The following CHTOP variants were observed in gnomAD, a reference collection of about 807,000 sequenced individuals.
CHTOP encodes chromatin target of PRMT1 protein.
Under a neutral mutation model 33.6 loss-of-function variants are expected in CHTOP, and 18 were observed. The ratio of observed to expected loss-of-function variants is 0.54; its 90% confidence interval spans 0.37 to 0.80. The LOEUF is 0.80. Ranked by LOEUF, CHTOP falls within the 30% of genes least tolerant of loss-of-function variation. CHTOP has a pLI of 0.00. For synonymous variants in CHTOP, 117 were observed against 127.7 expected, an observed-to-expected ratio of 0.92 and a Z score of 0.56; for missense variants, 263 against 336.8, an observed-to-expected ratio of 0.78 and a Z score of 1.71.
chr1:153,636,790 A>C (rs778595314), intron 2 of CHTOP, 137 bp downstream of exon 2: 370 of 675,168 alleles, frequency 5.5e-4, no homozygotes, highest in East Asian at 8.1e-4. Context: ...GTTGCATCTC[A>C]TGTGGTACAC....
chr1:153,645,099 GGAGGCC>G lies in CHTOP; in HGVS notation c.591_596del (p.Arg203_Gly204del), dbSNP rs576056136. On this transcript the variant is annotated inframe_deletion, in exon 6 of 6. Coordinates refer to ENST00000368694, the MANE Select transcript of CHTOP (RefSeq NM_015607.4). ...GATAGGTCGGGGAAGAGGGGGCTTT[GGAGGCC>G]GAGGCCGAGGCCGTGGACGAGGGAG... is the stretch of plus-strand genomic sequence containing the variant. 50 of 1,613,378 alleles carry G rather than the reference GGAGGCC, an allele frequency of 3.1e-5. No homozygotes were observed. Among genetic ancestry groups the G allele is most frequent in the African/African-American group, 1.2e-4 (9 of 74,836 alleles).
chr1:153,641,218 G>A (rs536264114), intron 3 of CHTOP, among the ~76,000 whole-genome samples: 7 of 152,330 alleles, frequency 4.6e-5, no homozygotes, highest in South Asian at 4.1e-4. Context: ...ACACATACAC[G>A]TTGGTAGTCA....
rs764039585 is a variant in CHTOP at position 153,645,124 on chromosome 1, G to T, written c.602G>T (p.Arg201Leu). The T allele has an allele frequency of 6.2e-7, 1 of 1,614,036 alleles. No individual in the cohort carries two copies. The highest frequency in any genetic ancestry group is 8.5e-7 in the Non-Finnish European group (1 of 1,180,026). ...GGAGGCCGAGGCCGAGGCCGTGGAC[G>T]AGGGAGAGGTGCCCTTGCTCGCCCT... ...GFGGRGRGRG[R>L]GRGALARPVL... Residue 201 changes from arginine to leucine, a missense_variant, in exon 6 of 6, where the codon CGA becomes CTA. This residue lies in a region of CHTOP where 168 missense variants were observed against 179.9 expected (regional missense o/e 0.93). Coordinates refer to ENST00000368694, the MANE Select transcript of CHTOP (RefSeq NM_015607.4).
rs746444846 is a variant in CHTOP at position 153,643,349 on chromosome 1, G to A, written c.526G>A (p.Gly176Arg). The A allele has an allele frequency of 1.0e-5, 16 of 1,576,798 alleles. No homozygotes were observed. The highest frequency in any genetic ancestry group is 3.8e-5 in the Admixed American group (2 of 52,986). The stretch of plus-strand genomic sequence containing the variant: ...AGGGCGTGGAGCTATGGGTCGTGGC[G>A]GAATCGGTGGTAGAGGTTAGTCAGC... The part of the protein sequence containing the change: ...GLGRGAMGRG[G>R]IGGRGRGMIG... The change falls in exon 5 of 6, where the codon GGA becomes AGA. Residue 176 changes from glycine to arginine, a missense_variant. Coordinates refer to ENST00000368694, the MANE Select transcript of CHTOP (RefSeq NM_015607.4).
intron 4 of CHTOP, chr1:153,642,810 AAG>A: frequency 4.6e-6 from 1 of 219,240 alleles, no homozygotes; most frequent in African/African-American, 2.3e-5. Context: ...CAGCTGGAAA[AAG>A]AGGACAAGTT....
chr1:153,640,109 G>A (rs1334046685), intron 3 of CHTOP, among the ~76,000 whole-genome samples: 1 of 152,174 alleles, frequency 6.6e-6, no homozygotes, highest in Non-Finnish European at 1.5e-5. Context: ...TTCTGTATTT[G>A]CTCTCCGGTA....
intron 4 of CHTOP, 106 bp downstream of exon 4, chr1:153,642,535 TA>T: frequency 1.2e-6 from 1 of 840,992 alleles, no homozygotes. Flanking sequence ...GAATTTGTAT[TA>T]ATATAATAAC....
Position 153,638,593 on chromosome 1 carries a change from A to C in CHTOP, c.219+145A>C, listed in dbSNP as rs1379187359. ...CTCTGGAAGAAAGAGAAGTTCAGAGAATTCCAATTTTGGCAGGTACCAATA... is the reference window on the plus strand; with the variant it reads ...CTCTGGAAGAAAGAGAAGTTCAGAGCATTCCAATTTTGGCAGGTACCAATA... On this transcript the variant is annotated intron_variant, in intron 3 of 5. Transcript: ENST00000368694. 9 of 947,858 alleles carry C rather than the reference A, an allele frequency of 9.5e-6. No homozygotes were observed. In the African/African-American group the frequency reaches 1.3e-4, roughly 14 times the overall value. 58.7% of individuals were successfully genotyped at this position (947,858 alleles called of 1,614,324 possible). A position where few individuals can be genotyped will look rare whatever the true frequency, so the allele number is the denominator to read the frequency against.
rs1668795971 is a variant in CHTOP, at chr1:153,645,627, AT to A, written c.*361del. ...TTGTCATATGCTCTGACATGCTAAC[AT>A]TTCTTTTGTTCATCCCTGTTGCCCC... On this transcript the variant is annotated 3_prime_UTR_variant, in exon 6 of 6. Transcript: ENST00000368694. 8.6e-6 allele frequency: 2 copies of A among 232,018 alleles called. No individual in the cohort carries two copies. 14.4% of individuals were successfully genotyped at this position (232,018 alleles called of 1,614,324 possible).
chr1:153,645,281 C>G lies in CHTOP; in HGVS notation c.*12C>G. On this transcript the variant is annotated 3_prime_UTR_variant, in exon 6 of 6. Transcript: ENST00000368694. ...AAACCAATGATTGAAGCCTGCCCAT[C>G]CTCCCATGAGAGACTCTTGTTAGTC... is the stretch of plus-strand genomic sequence containing the variant. The G allele has an allele frequency of 6.2e-7, 1 of 1,613,462 alleles. No individual in the cohort carries two copies. The highest frequency in any genetic ancestry group is 8.5e-7 in the Non-Finnish European group (1 of 1,179,544).
intron 1 of CHTOP, 37 bp from the exon 2 acceptor site, chr1:153,636,535 A>G: frequency 6.5e-7 from 1 of 1,544,514 alleles, no homozygotes. Context: ...TGATGTCACT[A>G]TTGTGATTTG....
At position 153,646,137 on chromosome 1, in the gene CHTOP, A is replaced by G. The variant is rs879664308; in HGVS notation, c.*868A>G. 1 of 152,176 alleles carries G rather than the reference A, an allele frequency of 6.6e-6. No individual in the cohort carries two copies. Among genetic ancestry groups the G allele is most frequent in the Non-Finnish European group, 1.5e-5 (1 of 68,032 alleles). The allele number at this position is 152,176 out of a possible 1,614,324, so 9.4% of individuals were successfully genotyped here. ...CAGAAGATAGCCATGCTAAAATGCA[A>G]TTATATCCTCATGTTTATCCCAAAC... is the stretch of plus-strand genomic sequence containing the variant. On this transcript the variant is annotated 3_prime_UTR_variant, in exon 6 of 6. Transcript: ENST00000368694.
intron 5 of CHTOP, among the ~76,000 whole-genome samples, chr1:153,644,607 G>A (rs1208205661): frequency 6.6e-6 from 1 of 152,180 alleles, no homozygotes; most frequent in Non-Finnish European, 1.5e-5. Context: ...TGACTTTCCA[G>A]AAGGGTCTCC....
intron 3 of CHTOP, 58 bp downstream of exon 3, chr1:153,638,506 A>G (rs921504531): frequency 1.3e-6 from 2 of 1,599,994 alleles, no homozygotes; most frequent in Non-Finnish European, 1.7e-6. Context: ...GAGGGAGTCC[A>G]CTGAGGCTGT....
At chr1:153,636,088 A>ATT (rs71093280) in intron 1 of CHTOP, among the ~76,000 whole-genome samples, 3 of 138,710 alleles carry the variant, frequency 2.2e-5, no homozygotes, top group South Asian at 2.4e-4. Flanking sequence ...TGCACCGCTA[A>ATT]TTTTTTTTTT....
intron 3 of CHTOP, 39 bp downstream of exon 3, chr1:153,638,487 G>A (rs1462726053): frequency 1.2e-6 from 2 of 1,612,952 alleles, no homozygotes; most frequent in African/African-American, 1.3e-5. Flanking sequence ...AGCAGCTGGT[G>A]ATCTCTGTGA....
rs1668224335 is a variant in CHTOP, at chr1:153,634,357, G to C, written c.-18+14G>C. 1 of 153,060 alleles carries C rather than the reference G, an allele frequency of 6.5e-6. No individual in the cohort carries two copies. The highest frequency in any genetic ancestry group is 2.4e-5 in the African/African-American group (1 of 41,486). 9.5% of individuals were successfully genotyped at this position (153,060 alleles called of 1,614,324 possible). A position where few individuals can be genotyped will look rare whatever the true frequency, so the allele number is the denominator to read the frequency against. On this transcript the variant is annotated intron_variant, in intron 1 of 5. Transcript: ENST00000368694. ...CTGTTTCCTTCGGTGAGTTTCGGTAGTGAGAAGGAGCCGGGGGAGGTGCGG... is the reference window on the plus strand; with the variant it reads ...CTGTTTCCTTCGGTGAGTTTCGGTACTGAGAAGGAGCCGGGGGAGGTGCGG...
rs377317645 is a variant in CHTOP, at chr1:153,641,676, C to T, written c.220-570C>T. Reference sequence around the variant, plus strand: ...TTACATCTTAAGGTAAAAAGTGGACCGTCTGGAAATAGATTCTCAGAGGAA... The same window carrying T: ...TTACATCTTAAGGTAAAAAGTGGACTGTCTGGAAATAGATTCTCAGAGGAA... On this transcript the variant is annotated intron_variant, in intron 3 of 5. Coordinates refer to ENST00000368694, the MANE Select transcript of CHTOP (RefSeq NM_015607.4). Among the ~76,000 whole-genome samples, 5 of 152,174 alleles carry T rather than the reference C, an allele frequency of 3.3e-5. No individual in the cohort carries two copies. The East Asian group carries it at 5.8e-4, about 18-fold the overall frequency.
intron 3 of CHTOP, among the ~76,000 whole-genome samples, chr1:153,639,767 G>T (rs1214141307): frequency 6.6e-6 from 1 of 152,084 alleles, no homozygotes; most frequent in Non-Finnish European, 1.5e-5. Context: ...CTATTAAATA[G>T]AATTTTTTTA....
Sources: gnomAD v4.1 joint callset for allele counts (sites outside exome capture counted in the v4.1 genomes callset) on GRCh38, gnomAD v4.1.1 for gene constraint, gnomAD v4.1.1 regional missense constraint, MANE v1.5 for transcripts, NCBI Gene and HGNC (gene_info 2026-07-23, HGNC 2026-07-21) for gene names.